The following NAA35 variants were observed in gnomAD, a reference collection of about 807,000 sequenced individuals.
The protein encoded by NAA35 is N-alpha-acetyltransferase 35, NatC auxiliary subunit, also known as MAK10 homolog, amino-acid N-acetyltransferase subunit.
NAA35 carries 18 observed loss-of-function variants against 101.7 expected under a neutral mutation model. That is an observed-to-expected ratio of 0.18 (90% CI 0.12 to 0.26). The LOEUF is 0.26. Among genes scored for constraint, NAA35 ranks in the 10% least tolerant of loss-of-function variants. The pLI, the probability that NAA35 is intolerant of heterozygous loss-of-function variation, is 1.00. For synonymous variants in NAA35, 267 were observed against 273.1 expected (o/e 0.98, Z 0.22); for missense variants, 601 against 886.8 (o/e 0.68, Z 4.09).
chr9:86,019,892 A>G (rs928232068), intron 21 of NAA35, among the ~76,000 whole-genome samples: 2 of 152,222 alleles, frequency 1.3e-5, no homozygotes, highest in African/African-American at 2.4e-5. Flanking sequence ...TCTAATAGCA[A>G]AAAGTAGGAA....
At chr9:85,981,027 G>A (rs934564090) in intron 11 of NAA35, among the ~76,000 whole-genome samples, 3 of 151,948 alleles carry the variant, frequency 2.0e-5, no homozygotes, top group African/African-American at 4.8e-5. Context: ...TTTTCTTTCC[G>A]TGCTAAAATG....
chr9:86,013,909 G>A lies in NAA35; in HGVS notation c.1568+12G>A, dbSNP rs1178247673. On this transcript the variant is annotated intron_variant, in intron 17 of 22. Transcript: ENST00000361671. ...TATTACATATATTGGTAAGAGCACA[G>A]TTTGAGTTAAAATTGGTGGTGGGTG... is the stretch of plus-strand genomic sequence containing the variant. 2 of 1,560,100 alleles carry A rather than the reference G, an allele frequency of 1.3e-6. No individual in the cohort carries two copies. Among genetic ancestry groups the A allele is most frequent in the Middle Eastern group, 1.7e-4 (1 of 5,886 alleles).
intron 3 of NAA35, among the ~76,000 whole-genome samples, chr9:85,957,382 G>T (rs891956241): frequency 2.0e-5 from 3 of 152,128 alleles, no homozygotes; most frequent in Non-Finnish European, 4.4e-5. Context: ...GCAGTCTCTG[G>T]TGGCACAGGT....
At chr9:85,996,633 T>C (rs1432833665) in intron 12 of NAA35, 56 bp downstream of exon 12, 1 of 1,304,576 alleles carries the variant, frequency 7.7e-7, no homozygotes, top group Non-Finnish European at 1.0e-6. Context: ...AATTGATACA[T>C]AATAATTGTA....
chr9:85,983,270 C>A (rs1156614532), intron 11 of NAA35, among the ~76,000 whole-genome samples: 1 of 152,204 alleles, frequency 6.6e-6, no homozygotes, highest in East Asian at 1.9e-4. Context: ...TCGCTCCACT[C>A]GGCCTTCAGA....
intron 2 of NAA35, among the ~76,000 whole-genome samples, chr9:85,955,008 C>G (rs551767831): frequency 6.6e-6 from 1 of 151,956 alleles, no homozygotes; most frequent in South Asian, 2.1e-4. Flanking sequence ...ACCTCTGCCT[C>G]CCGGGTTTAA....
intron 12 of NAA35, among the ~76,000 whole-genome samples, chr9:85,999,661 T>G (rs965199760): frequency 5.3e-5 from 8 of 152,190 alleles, no homozygotes; most frequent in Non-Finnish European, 1.0e-4. Flanking sequence ...CAGTGATCCT[T>G]TAGAATTTTC....
intron 2 of NAA35, among the ~76,000 whole-genome samples, chr9:85,946,406 A>C (rs952886856): frequency 6.6e-6 from 1 of 152,130 alleles, no homozygotes; most frequent in Non-Finnish European, 1.5e-5. Flanking sequence ...TATCCACACT[A>C]TGGATAGCAA....
rs186981685 is a variant in NAA35, at chr9:85,951,190, A to T, written c.125-5170A>T. Among the ~76,000 whole-genome samples, 435 of 152,300 alleles carry T rather than the reference A, an allele frequency of 2.9e-3. 5 individuals are homozygous for T. The South Asian group carries it at 0.033, about 12-fold the overall frequency. On this transcript the variant is annotated intron_variant, in intron 2 of 22. Coordinates refer to ENST00000361671, the MANE Select transcript of NAA35 (RefSeq NM_024635.4). ...GCATGTTAACATAAATAACATTTTT[A>T]AAAATGAGAAATCATTGTATTTTCC...
intron 1 of NAA35, chr9:85,941,723 G>A: frequency 1.0e-6 from 1 of 986,736 alleles, no homozygotes; most frequent in Non-Finnish European, 1.2e-6. Context: ...AGGTCCCAGC[G>A]AGCTCTGGCC....
intron 13 of NAA35, 81 bp downstream of exon 13, chr9:86,003,725 G>T: frequency 1.5e-5 from 12 of 794,314 alleles, no homozygotes; most frequent in South Asian, 2.3e-5. Flanking sequence ...TTGAACAAAA[G>T]GTAGATGCTT....
chr9:85,996,705 C>T lies in NAA35; in HGVS notation c.1056+128C>T, dbSNP rs1243135260. ...AATTGATTGCTTTATAGACATTGAC[C>T]AAGGGTAAATACTACTCTTTGTCTA... is the stretch of plus-strand genomic sequence containing the variant. On this transcript the variant is annotated intron_variant, in intron 12 of 22. Coordinates refer to ENST00000361671, the MANE Select transcript of NAA35 (RefSeq NM_024635.4). 3.0e-5 allele frequency: 19 copies of T among 635,626 alleles called. No individual in the cohort carries two copies. In the Admixed American group the frequency reaches 7.0e-4, roughly 23 times the overall value. 39.4% of individuals were successfully genotyped at this position (635,626 alleles called of 1,614,324 possible).
In NAA35 at chr9:85,942,247, G is replaced by A; in HGVS notation, c.88G>A (p.Val30Met). The stretch of plus-strand genomic sequence containing the variant: ...AATGGAGAAAAGCAATACAAACTGG[G>A]TGGACATTACCCAAGATTTTGAAGA... ...EKMEKSNTNW[V>M]DITQDFEEAC... The change falls in exon 2 of 23, where the codon GTG (valine) becomes ATG (methionine). Residue 30 changes from valine to methionine, a missense_variant. Around this residue, in one of 8 missense-constraint regions of NAA35, gnomAD observed 67 missense variants for 62.4 expected, o/e 1.07. Coordinates refer to ENST00000361671, the MANE Select transcript of NAA35 (RefSeq NM_024635.4). The A allele has an allele frequency of 6.2e-7, 1 of 1,614,080 alleles. No homozygotes were observed. The highest frequency in any genetic ancestry group is 8.5e-7 in the Non-Finnish European group (1 of 1,180,006).
intron 9 of NAA35, 75 bp from the exon 10 acceptor site, chr9:85,977,288 G>A (rs767982771): frequency 7.0e-6 from 7 of 995,838 alleles, no homozygotes; most frequent in Non-Finnish European, 1.1e-5. Context: ...AGATTTAGGA[G>A]TTAATATATT....
At chr9:85,959,376 CA>C (rs397955563) in intron 4 of NAA35, among the ~76,000 whole-genome samples, 31 of 62,666 alleles carry the variant, frequency 4.9e-4, no homozygotes, top group Admixed American at 1.5e-3. Flanking sequence ...GACTCTGTCT[CA>C]AAAAAAAAAA....
intron 11 of NAA35, among the ~76,000 whole-genome samples, chr9:85,992,141 T>C (rs1265899779): frequency 6.8e-6 from 1 of 147,548 alleles, no homozygotes; most frequent in Non-Finnish European, 1.5e-5. Flanking sequence ...GCCACTGCAC[T>C]CCAGCCTGGG....
chr9:86,009,294 A>G (rs1831794083), intron 14 of NAA35, among the ~76,000 whole-genome samples: 1 of 152,130 alleles, frequency 6.6e-6, no homozygotes, highest in Admixed American at 6.6e-5. Context: ...CCAGGTGTTG[A>G]CCTTTTTTCT....
At chr9:86,009,319 G>A (rs1377167916) in intron 14 of NAA35, among the ~76,000 whole-genome samples, 3 of 152,102 alleles carry the variant, frequency 2.0e-5, no homozygotes, top group Non-Finnish European at 4.4e-5. Flanking sequence ...CCTGGGTGCT[G>A]GGTGCACTGT....
intron 13 of NAA35, among the ~76,000 whole-genome samples, chr9:86,005,608 C>T (rs1267374990): frequency 6.6e-6 from 1 of 152,114 alleles, no homozygotes; most frequent in East Asian, 1.9e-4. Flanking sequence ...GTTCCTAGAA[C>T]TGATTAGTGA....
Sources: gnomAD v4.1 joint callset for allele counts (sites outside exome capture counted in the v4.1 genomes callset) on GRCh38, gnomAD v4.1.1 for gene constraint, gnomAD v4.1.1 regional missense constraint, MANE v1.5 for transcripts, NCBI Gene and HGNC (gene_info 2026-07-23, HGNC 2026-07-21) for gene names.